PPFIBP1: variants seen among roughly 807,000 people sequenced by gnomAD.
The protein encoded by PPFIBP1 is PPFIB scaffold protein 1, also known as liprin-beta-1.
Under a neutral mutation model 137.8 loss-of-function variants are expected in PPFIBP1, and 112 were observed. The ratio of observed to expected loss-of-function variants is 0.81; its 90% CI spans 0.70 to 0.95. The LOEUF is 0.95. PPFIBP1 is among the 40% of genes least tolerant of loss of function. PPFIBP1 has a pLI of 0.00. For missense variants in PPFIBP1, 1,083 were observed against 1,196.6 expected, an observed-to-expected ratio of 0.91 and a Z score of 1.40; for synonymous variants, 378 against 417.3, an observed-to-expected ratio of 0.91 and a Z score of 1.15.
In PPFIBP1 at chr12:27,679,531, G is replaced by A. The variant is rs1441830501; in HGVS notation, c.1658G>A (p.Gly553Asp). Residue 553 changes from glycine (G) to aspartate (D), a missense_variant, in exon 20 of 30, where the codon GGT becomes GAT. Transcript: ENST00000228425. ...ACAGCAGAGCACCTAGATCTGGCTGGTGCTTCTTCTCGGCCAAAAGATTCA... is the reference window on the plus strand; with the variant it reads ...ACAGCAGAGCACCTAGATCTGGCTGATGCTTCTTCTCGGCCAAAAGATTCA... ...KETAEHLDLAGASSRPKDSQR... is the reference protein window; with the variant it reads ...KETAEHLDLADASSRPKDSQR... 1 of 1,614,074 alleles carries A rather than the reference G, an allele frequency of 6.2e-7. No homozygotes were observed. Among genetic ancestry groups the A allele is most frequent in the South Asian group, 1.1e-5 (1 of 91,070 alleles).
chr12:27,680,873 G>C (rs1270296088), intron 21 of PPFIBP1, among the ~76,000 whole-genome samples: 3 of 152,114 alleles, frequency 2.0e-5, no homozygotes, highest in Non-Finnish European at 4.4e-5. Context: ...CTCCCATACA[G>C]GTGGAACACT....
intron 4 of PPFIBP1, among the ~76,000 whole-genome samples, chr12:27,644,505 A>G (rs1593083690): frequency 1.3e-5 from 2 of 152,138 alleles, no homozygotes; most frequent in African/African-American, 2.4e-5. Context: ...CATAATCAAA[A>G]TAAGGAATTT....
intron 2 of PPFIBP1, among the ~76,000 whole-genome samples, chr12:27,598,441 A>C (rs1466392295): frequency 6.6e-6 from 1 of 152,158 alleles, no homozygotes; most frequent in Non-Finnish European, 1.5e-5. Flanking sequence ...ATTACCTCCG[A>C]CTGGGTCCCT....
rs539024925 is a variant in PPFIBP1, at chr12:27,579,832, T to A, written c.-36+1593T>A. On this transcript the variant is annotated intron_variant, in intron 2 of 29. Transcript: ENST00000228425. ...GTGATTTGTCTGCTTCAATGTGATG[T>A]TCCAAGCTGCTTACTCAACAGGAAC... Among the ~76,000 whole-genome samples the A allele has an allele frequency of 9.2e-5, 14 of 152,336 alleles. No homozygotes were observed. In the South Asian group the frequency reaches 2.9e-3, roughly 32 times the overall value.
intron 1 of PPFIBP1, among the ~76,000 whole-genome samples, chr12:27,526,049 T>C (rs562328004): frequency 6.6e-6 from 1 of 152,382 alleles, no homozygotes; most frequent in Non-Finnish European, 1.5e-5. Context: ...ATTTATGTTC[T>C]ATGGGGAGTA....
chr12:27,689,180 C>A lies in PPFIBP1; in HGVS notation c.2662C>A (p.Leu888Ile). 2 of 1,575,278 alleles carry A rather than the reference C, an allele frequency of 1.3e-6. No individual in the cohort carries two copies. Among genetic ancestry groups the A allele is most frequent in the South Asian group, 2.4e-5 (2 of 83,844 alleles). ...DAMELPDYVLLTATAKVKPKK... is the reference protein window; with the variant it reads ...DAMELPDYVLITATAKVKPKK... ...CATGGAGCTGCCGGATTATGTACTTCTAACAGCTACTGCCAAAGTGAAGGT... is the reference window on the plus strand; with the variant it reads ...CATGGAGCTGCCGGATTATGTACTTATAACAGCTACTGCCAAAGTGAAGGT... The change falls in exon 27 of 30, where the codon CTA becomes ATA. Residue 888 changes from leucine to isoleucine, a missense_variant. By Grantham distance (5) the Leu-to-Ile change is conservative. Transcript: ENST00000228425.
intron 1 of PPFIBP1, among the ~76,000 whole-genome samples, chr12:27,532,946 A>G (rs1401487443): frequency 1.3e-5 from 2 of 152,174 alleles, no homozygotes; most frequent in Non-Finnish European, 2.9e-5. Context: ...TAGTGGGTAT[A>G]TGGGCAAGGG....
intron 10 of PPFIBP1, among the ~76,000 whole-genome samples, chr12:27,659,109 A>C (rs2059389735): frequency 6.6e-6 from 1 of 152,254 alleles, no homozygotes; most frequent in South Asian, 2.1e-4. Flanking sequence ...GGATGTAAGA[A>C]AACATTTTCC....
At chr12:27,630,988 G>T (rs909789519) in intron 2 of PPFIBP1, among the ~76,000 whole-genome samples, 1 of 152,098 alleles carries the variant, frequency 6.6e-6, no homozygotes, top group Non-Finnish European at 1.5e-5. Flanking sequence ...CAGGGTTGTA[G>T]GAGCCCAGGA....
chr12:27,547,518 G>C (rs1946346237), intron 1 of PPFIBP1: 1 of 152,200 alleles, frequency 6.6e-6, no homozygotes, highest in Non-Finnish European at 1.5e-5. Flanking sequence ...ACTGCTGCTG[G>C]TCTTAAATTA....
chr12:27,656,960 T>C (rs1274364277), intron 9 of PPFIBP1: 7 of 394,302 alleles, frequency 1.8e-5, no homozygotes, highest in Non-Finnish European at 2.8e-5. Flanking sequence ...TATTTGGTGT[T>C]TAAGATTGCT....
chr12:27,644,615 C>T (rs1436409803), intron 4 of PPFIBP1, among the ~76,000 whole-genome samples: 1 of 152,040 alleles, frequency 6.6e-6, no homozygotes, highest in African/African-American at 2.4e-5. Flanking sequence ...AAGTTGTGCA[C>T]AATTTATTTT....
At chr12:27,662,345 T>A (rs1032763946) in intron 11 of PPFIBP1, among the ~76,000 whole-genome samples, 1 of 152,192 alleles carries the variant, frequency 6.6e-6, no homozygotes, top group Non-Finnish European at 1.5e-5. Context: ...GGCTACTTCA[T>A]ACACCATGGT....
intron 11 of PPFIBP1, among the ~76,000 whole-genome samples, chr12:27,661,451 T>A (rs2059544132): frequency 7.3e-6 from 1 of 137,570 alleles, no homozygotes. Context: ...CTACACTGGC[T>A]GCATTCCAAG....
At chr12:27,646,893 A>G (rs1029290868) in intron 5 of PPFIBP1, among the ~76,000 whole-genome samples, 35 of 152,374 alleles carry the variant, frequency 2.3e-4, no homozygotes, top group South Asian at 1.0e-3. Context: ...GACTAGCCCA[A>G]CAGCTCCTCA....
In PPFIBP1 at chr12:27,599,279, T is replaced by C. The variant is rs368813300; in HGVS notation, c.-36+21040T>C. 578 of 280,554 alleles carry C rather than the reference T, an allele frequency of 2.1e-3. 3 individuals are homozygous for C. Among genetic ancestry groups the C allele is most frequent in the East Asian group, 0.011 (118 of 11,190 alleles). The allele number at this position is 280,554 out of a possible 1,614,324, so 17.4% of individuals were successfully genotyped here. ...GTGTGGGTGGACATCATCCTATCCA[T>C]TGAGGCCTGAGTAAAACAAAACACT... On this transcript the variant is annotated intron_variant, in intron 2 of 29. Transcript: ENST00000228425.
At position 27,689,099 on chromosome 12, in the gene PPFIBP1, G is replaced by T. The variant is rs966913949; in HGVS notation, c.2581G>T (p.Ala861Ser). ...TAAGACTTTGCTGCGAAGACATTTG[G>T]CCACTCATTTCAACCTTCTGATTGG... is the stretch of plus-strand genomic sequence containing the variant. ...PNKTLLRRHL[A>S]THFNLLIGAE... Residue 861 changes from alanine (A) to serine (S), a missense_variant, in exon 27 of 30, where the codon GCC (alanine) becomes TCC (serine). Transcript: ENST00000228425. 4 of 1,612,092 alleles carry T rather than the reference G, an allele frequency of 2.5e-6. No homozygotes were observed. Among genetic ancestry groups the T allele is most frequent in the Non-Finnish European group, 3.4e-6 (4 of 1,179,578 alleles).
At chr12:27,607,625 T>C (rs1475004521) in intron 2 of PPFIBP1, among the ~76,000 whole-genome samples, 1 of 152,138 alleles carries the variant, frequency 6.6e-6, no homozygotes, top group Non-Finnish European at 1.5e-5. Flanking sequence ...AGTTCTCAAG[T>C]TATGCTGGTC....
At chr12:27,630,596 C>T (rs2057192720) in intron 2 of PPFIBP1, among the ~76,000 whole-genome samples, 1 of 152,098 alleles carries the variant, frequency 6.6e-6, no homozygotes, top group East Asian at 1.9e-4. Flanking sequence ...TGCATTTGTA[C>T]TTAATGTAAT....
Sources: gnomAD v4.1 joint callset for allele counts (sites outside exome capture counted in the v4.1 genomes callset) on GRCh38, gnomAD v4.1.1 for gene constraint, MANE v1.5 for transcripts, NCBI Gene and HGNC (gene_info 2026-07-23, HGNC 2026-07-21) for gene names.